KCNH7: variants seen among roughly 807,000 people sequenced by gnomAD.
KCNH7 encodes the protein voltage-gated inwardly rectifying potassium channel KCNH7.
In KCNH7, 49 loss-of-function variants were observed where a neutral mutation model predicts 120.8. The ratio of observed to expected loss-of-function variants is 0.41; its 90% CI spans 0.32 to 0.51. The LOEUF (loss-of-function observed/expected upper bound fraction) is 0.51. Ranked by LOEUF, KCNH7 falls within the 20% of genes least tolerant of loss-of-function variation. KCNH7 has a pLI of 0.38. For missense variants in KCNH7, 1,097 were observed against 1,446.6 expected (o/e 0.76, Z 3.92); for synonymous variants, 547 against 516.1 (o/e 1.06, Z -0.81).
chr2:162,779,155 A>G (rs1683375924), intron 2 of KCNH7, among the ~76,000 whole-genome samples: 1 of 151,696 alleles, frequency 6.6e-6, no homozygotes, highest in African/African-American at 2.4e-5. Context: ...CTTAAGAAAA[A>G]CGACAGCATT....
intron 12 of KCNH7, among the ~76,000 whole-genome samples, chr2:162,387,931 G>C (rs562331060): frequency 2.0e-5 from 3 of 151,640 alleles, no homozygotes; most frequent in African/African-American, 7.3e-5. Context: ...GAACCCAACA[G>C]GGAAACATAA....
intron 10 of KCNH7, 40 bp downstream of exon 10, chr2:162,400,149 A>G: frequency 1.9e-6 from 3 of 1,602,042 alleles, no homozygotes; most frequent in Non-Finnish European, 1.7e-6. Flanking sequence ...ATTACAAGCT[A>G]ATAACTGAAT....
intron 2 of KCNH7, among the ~76,000 whole-genome samples, chr2:162,827,444 G>T (rs1685326639): frequency 6.6e-6 from 1 of 152,058 alleles, no homozygotes; most frequent in Admixed American, 6.6e-5. Flanking sequence ...GACATTTTAA[G>T]AGTAAAAGAG....
rs1688237193 is a variant in KCNH7 at position 162,436,329 on chromosome 2, A to G, written c.1555-732T>C. On this transcript the variant is annotated intron_variant, in intron 7 of 15. Coordinates refer to ENST00000332142, the MANE Select transcript of KCNH7 (RefSeq NM_033272.4). Reference sequence around the variant, plus strand: ...ATTGCATGCATGAATTAGGCACTACATTTAAATGCATTTTTTATTCCTAAG... The same window carrying G: ...ATTGCATGCATGAATTAGGCACTACGTTTAAATGCATTTTTTATTCCTAAG... Among the ~76,000 whole-genome samples, 3 of 152,152 alleles carry G rather than the reference A, an allele frequency of 2.0e-5. No homozygotes were observed. In the South Asian group the frequency reaches 6.2e-4, roughly 32 times the overall value.
chr2:162,423,180 T>C (rs1687758430), intron 9 of KCNH7, 156 bp downstream of exon 9: 3 of 1,486,142 alleles, frequency 2.0e-6, no homozygotes, highest in South Asian at 2.6e-5. Context: ...ATGCCATGAA[T>C]TGAGAATGAG....
intron 2 of KCNH7, among the ~76,000 whole-genome samples, chr2:162,615,962 A>T (rs534565252): frequency 6.6e-6 from 1 of 152,358 alleles, no homozygotes; most frequent in South Asian, 2.1e-4. Context: ...CTAAATTAGA[A>T]GTTACTAAAT....
intron 2 of KCNH7, among the ~76,000 whole-genome samples, chr2:162,664,022 C>T (rs543733635): frequency 3.7e-4 from 57 of 152,250 alleles, no homozygotes; most frequent in Non-Finnish European, 6.6e-4. Context: ...CATGCCAATG[C>T]TATAGTCTGC....
chr2:162,763,307 C>T (rs951066836), intron 2 of KCNH7, among the ~76,000 whole-genome samples: 1 of 152,006 alleles, frequency 6.6e-6, no homozygotes, highest in African/African-American at 2.4e-5. Flanking sequence ...GTTTTGAACC[C>T]AAAAGCCCTG....
intron 10 of KCNH7, among the ~76,000 whole-genome samples, chr2:162,397,891 G>A (rs1305000797): frequency 1.3e-5 from 2 of 151,976 alleles, no homozygotes; most frequent in African/African-American, 4.8e-5. Context: ...GAAGTGGAGG[G>A]AGGGAGAGAA....
chr2:162,766,217 G>C (rs547723335), intron 2 of KCNH7, among the ~76,000 whole-genome samples: 3 of 152,128 alleles, frequency 2.0e-5, no homozygotes, highest in African/African-American at 7.2e-5. Context: ...AGGAAGGCTT[G>C]AAATTACCCG....
intron 2 of KCNH7, among the ~76,000 whole-genome samples, chr2:162,650,008 C>T (rs1005152838): frequency 8.5e-5 from 13 of 152,240 alleles, no homozygotes; most frequent in Middle Eastern, 3.4e-3. Flanking sequence ...TCCAGCTTTA[C>T]GTTCTTACAG....
intron 14 of KCNH7, among the ~76,000 whole-genome samples, chr2:162,378,769 C>T (rs1465919752): frequency 6.6e-6 from 1 of 152,100 alleles, no homozygotes; most frequent in Non-Finnish European, 1.5e-5. Flanking sequence ...GTGTGCTGTA[C>T]CTACGAAAGG....
rs1691112827 is a variant in KCNH7, at chr2:162,512,531, C to T, written c.913+123G>A. 8.1e-6 allele frequency: 6 copies of T among 743,532 alleles called. No homozygotes were observed. The Middle Eastern group carries it at 7.5e-4, about 93-fold the overall frequency. 46.1% of individuals were successfully genotyped at this position (743,532 alleles called of 1,614,324 possible). ...CAAGCCATGATGTCTCCACCAGGCA[C>T]CCCAAATAGCTAAGGGCAGCATGAA... On this transcript the variant is annotated intron_variant, in intron 5 of 15. Coordinates refer to ENST00000332142, the MANE Select transcript of KCNH7 (RefSeq NM_033272.4).
At chr2:162,737,960 G>A (rs1322046689) in intron 2 of KCNH7, among the ~76,000 whole-genome samples, 1 of 151,256 alleles carries the variant, frequency 6.6e-6, no homozygotes, top group African/African-American at 2.4e-5. Context: ...AGCTACTCTG[G>A]AAGCTGAGGC....
intron 2 of KCNH7, among the ~76,000 whole-genome samples, chr2:162,557,353 G>T (rs1349128416): frequency 6.6e-6 from 1 of 152,178 alleles, no homozygotes; most frequent in Non-Finnish European, 1.5e-5. Flanking sequence ...TTTCCAAGAG[G>T]CAGGAAGCAT....
intron 7 of KCNH7, among the ~76,000 whole-genome samples, chr2:162,443,648 T>G (rs1222655963): frequency 6.6e-6 from 1 of 152,242 alleles, no homozygotes; most frequent in Non-Finnish European, 1.5e-5. Flanking sequence ...TGTTTTGTCC[T>G]GCATCACAAC....
At chr2:162,464,252 T>C (rs1378532374) in intron 6 of KCNH7, among the ~76,000 whole-genome samples, 1 of 151,922 alleles carries the variant, frequency 6.6e-6, no homozygotes, top group Non-Finnish European at 1.5e-5. Context: ...GGTAACTTCC[T>C]AGGAGGCAAT....
chr2:162,699,979 T>G (rs1012183566), intron 2 of KCNH7, among the ~76,000 whole-genome samples: 1 of 152,164 alleles, frequency 6.6e-6, no homozygotes, highest in Admixed American at 6.6e-5. Context: ...AATTACTTTT[T>G]TTTTCATTAA....
At chr2:162,410,063 AG>A (rs1162088910) in intron 9 of KCNH7, among the ~76,000 whole-genome samples, 1 of 152,108 alleles carries the variant, frequency 6.6e-6, no homozygotes, top group Non-Finnish European at 1.5e-5. Flanking sequence ...CACTTTTCAC[AG>A]AATTAGAAAA....
Sources: gnomAD v4.1 joint callset for allele counts (sites outside exome capture counted in the v4.1 genomes callset) on GRCh38, gnomAD v4.1.1 for gene constraint, MANE v1.5 for transcripts, NCBI Gene and HGNC (gene_info 2026-07-23, HGNC 2026-07-21) for gene names.